The following KLHL29 variants were observed in gnomAD, a reference collection of about 807,000 sequenced individuals.
KLHL29 encodes kelch-like protein 29.
KLHL29 carries 21 observed loss-of-function variants against 80.4 expected under a neutral mutation model. The observed-to-expected ratio is 0.26, with a 90% CI of 0.19 to 0.38. The LOEUF is 0.38. KLHL29 is among the 10% of genes least tolerant of loss of function. The pLI is 1.00. For synonymous variants in KLHL29, 511 were observed against 526.8 expected, an observed-to-expected ratio of 0.97 and a Z score of 0.41; for missense variants, 867 against 1,223.9, an observed-to-expected ratio of 0.71 and a Z score of 4.35.
At chr2:23,642,051 C>T (rs1201831549) in intron 4 of KLHL29, among the ~76,000 whole-genome samples, 1 of 152,172 alleles carries the variant, frequency 6.6e-6, no homozygotes, top group African/African-American at 2.4e-5. Flanking sequence ...GAGAGTGGAA[C>T]CCAAGTCTCT....
chr2:23,563,329 CT>C (rs1466290370), intron 3 of KLHL29, among the ~76,000 whole-genome samples: 2 of 152,244 alleles, frequency 1.3e-5, no homozygotes, highest in Non-Finnish European at 2.9e-5. Flanking sequence ...GGCCGGGCCC[CT>C]GGCCATGGCT....
intron 1 of KLHL29, among the ~76,000 whole-genome samples, chr2:23,442,267 A>AT (rs1663549685): frequency 6.6e-6 from 1 of 151,864 alleles, no homozygotes; most frequent in South Asian, 2.1e-4. Flanking sequence ...ATTTTTTTAA[A>AT]TTTTTTGTAG....
At chr2:23,578,101 T>C (rs1356043145) in intron 3 of KLHL29, among the ~76,000 whole-genome samples, 4 of 152,172 alleles carry the variant, frequency 2.6e-5, no homozygotes, top group Non-Finnish European at 5.9e-5. Context: ...TTCTGTCCTA[T>C]GGCATGCCTG....
At position 23,475,644 on chromosome 2, in the gene KLHL29, C is replaced by G. The variant is rs1031845602; in HGVS notation, c.-69C>G. 3 of 166,994 alleles carry G rather than the reference C, an allele frequency of 1.8e-5. No homozygotes were observed. The East Asian group carries it at 5.8e-4, about 32-fold the overall frequency. 10.3% of individuals were successfully genotyped at this position (166,994 alleles called of 1,614,324 possible). A position where few individuals can be genotyped will look rare whatever the true frequency, so the allele number is the denominator to read the frequency against. On this transcript the variant is annotated 5_prime_UTR_variant, in exon 2 of 14. Coordinates refer to ENST00000486442, the MANE Select transcript of KLHL29 (RefSeq NM_052920.2). ...TCGCATCCTGGGGACGAATCCTGAGCTTGCCAGAGACGGGCGGCGCAAGGT... is the reference window on the plus strand; with the variant it reads ...TCGCATCCTGGGGACGAATCCTGAGGTTGCCAGAGACGGGCGGCGCAAGGT...
At position 23,458,755 on chromosome 2, in the gene KLHL29, G is replaced by A. The variant is rs535983575; in HGVS notation, c.-153-16805G>A. On this transcript the variant is annotated intron_variant, in intron 1 of 13. Coordinates refer to ENST00000486442, the MANE Select transcript of KLHL29 (RefSeq NM_052920.2). The stretch of plus-strand genomic sequence containing the variant: ...CTGCAGTACAAGTGCAGCATCCCAG[G>A]AATGGAAAGAAGGCCAGTGGTCATA... 4.6e-5 allele frequency among the ~76,000 whole-genome samples: 7 copies of A among 152,288 alleles called. No homozygotes were observed. In the South Asian group the frequency reaches 1.2e-3, roughly 27 times the overall value.
rs570182924 is a variant in KLHL29, at chr2:23,569,056, G to A, written c.285+6575G>A. Among the ~76,000 whole-genome samples, 12 of 152,342 alleles carry A rather than the reference G, an allele frequency of 7.9e-5. No individual in the cohort carries two copies. The South Asian group carries it at 1.4e-3, about 18-fold the overall frequency. ...CTGACCTTGGCTTCTAAGTTCAGAAGCTCCAATGCTTGATCCTGTCACCAC... is the reference window on the plus strand; with the variant it reads ...CTGACCTTGGCTTCTAAGTTCAGAAACTCCAATGCTTGATCCTGTCACCAC... On this transcript the variant is annotated intron_variant, in intron 3 of 13. Coordinates refer to ENST00000486442, the MANE Select transcript of KLHL29 (RefSeq NM_052920.2).
At position 23,597,305 on chromosome 2, in the gene KLHL29, A is replaced by ATG. The variant is rs1414492384; in HGVS notation, c.285+34825_285+34826insGT. Among the ~76,000 whole-genome samples the ATG allele has an allele frequency of 1.9e-4, 19 of 97,572 alleles. 1 individual carries two copies. Among genetic ancestry groups the ATG allele is most frequent in the East Asian group, 1.1e-3 (3 of 2,856 alleles). 64.0% of individuals were successfully genotyped at this position (97,572 alleles called of 152,430 possible). On this transcript the variant is annotated intron_variant, in intron 3 of 13. Coordinates refer to ENST00000486442, the MANE Select transcript of KLHL29 (RefSeq NM_052920.2). ...CTATCTCTCTCTCTCTCATATATATATATATGTGTGTGTGTGTGTGTGTGT... is the reference window on the plus strand; with the variant it reads ...CTATCTCTCTCTCTCTCATATATATATGTATATGTGTGTGTGTGTGTGTGTGT...
intron 1 of KLHL29, among the ~76,000 whole-genome samples, chr2:23,461,472 C>A (rs1484875679): frequency 6.6e-6 from 1 of 152,150 alleles, no homozygotes; most frequent in African/African-American, 2.4e-5. Context: ...TTGAGGTAAC[C>A]ACTTCTTGTT....
At chr2:23,541,131 C>A (rs745419874) in intron 2 of KLHL29, among the ~76,000 whole-genome samples, 6 of 152,244 alleles carry the variant, frequency 3.9e-5, no homozygotes, top group Non-Finnish European at 5.9e-5. Flanking sequence ...CAACTGAATT[C>A]TGTTGGGAAC....
chr2:23,670,892 G>C (rs1203992259), intron 5 of KLHL29, among the ~76,000 whole-genome samples: 1 of 126,402 alleles, frequency 7.9e-6, no homozygotes, highest in East Asian at 2.6e-4. Flanking sequence ...GCAGAGAAGG[G>C]AGGGGTCTCT....
chr2:23,474,494 T>G (rs571497800), intron 1 of KLHL29, among the ~76,000 whole-genome samples: 3 of 152,234 alleles, frequency 2.0e-5, no homozygotes, highest in Non-Finnish European at 4.4e-5. Context: ...ATGGCGACCT[T>G]GGCTGATTTT....
At position 23,700,919 on chromosome 2, in the gene KLHL29, C is replaced by G. The variant is rs1347209986; in HGVS notation, c.2106-2267C>G. ...CTCCCCTCTTAAAGACTACATTTCC[C>G]CAGTTTGTCCTCAGCCCCCATGCAC... is the stretch of plus-strand genomic sequence containing the variant. On this transcript the variant is annotated intron_variant, in intron 11 of 13. Transcript: ENST00000486442. This position sits in a 1 kb window ranked among gnomAD's most constrained non-coding sequence, Gnocchi z 4.6. Among the ~76,000 whole-genome samples the G allele has an allele frequency of 6.6e-6, 1 of 152,142 alleles. No homozygotes were observed. The highest frequency in any genetic ancestry group is 1.5e-5 in the Non-Finnish European group (1 of 68,034).
intron 2 of KLHL29, among the ~76,000 whole-genome samples, chr2:23,476,360 A>G (rs1664642014): frequency 6.6e-6 from 1 of 152,190 alleles, no homozygotes; most frequent in African/African-American, 2.4e-5. Flanking sequence ...TTCATTATAA[A>G]GGGATTTTAA....
intron 1 of KLHL29, among the ~76,000 whole-genome samples, chr2:23,386,009 A>G (rs899791507): frequency 4.4e-4 from 66 of 151,354 alleles, no homozygotes; most frequent in African/African-American, 1.0e-3. Flanking sequence ...AAAGGGGGGG[A>G]AAAAACTTCC....
At chr2:23,649,835 G>T (rs570763206) in intron 5 of KLHL29, among the ~76,000 whole-genome samples, 1 of 152,222 alleles carries the variant, frequency 6.6e-6, no homozygotes, top group East Asian at 1.9e-4. Flanking sequence ...GATCCCAGCC[G>T]CTGTCTTCCT....
intron 3 of KLHL29, among the ~76,000 whole-genome samples, chr2:23,609,097 C>A (rs1668796542): frequency 6.6e-6 from 1 of 152,178 alleles, no homozygotes. Context: ...TGATATCAGT[C>A]ATTTAGTCAC....
At chr2:23,585,836 G>A (rs1430033599) in intron 3 of KLHL29, among the ~76,000 whole-genome samples, 1 of 152,210 alleles carries the variant, frequency 6.6e-6, no homozygotes, top group African/African-American at 2.4e-5. Context: ...AGCAATAGCA[G>A]ACTCTGCTCC....
At chr2:23,553,674 G>A (rs1368448512) in intron 2 of KLHL29, among the ~76,000 whole-genome samples, 1 of 152,254 alleles carries the variant, frequency 6.6e-6, no homozygotes, top group Middle Eastern at 3.4e-3. Context: ...GACCTTGATG[G>A]GGGGGCCTCC....
intron 2 of KLHL29, among the ~76,000 whole-genome samples, chr2:23,509,486 G>A (rs747350389): frequency 1.3e-4 from 19 of 151,870 alleles, no homozygotes; most frequent in Admixed American, 7.9e-4. Context: ...ATTAAATATC[G>A]CCACTCCCTC....
Sources: gnomAD v4.1 joint callset for allele counts (sites outside exome capture counted in the v4.1 genomes callset) on GRCh38, gnomAD v4.1.1 for gene constraint, Gnocchi (gnomAD v3.1) non-coding constraint, MANE v1.5 for transcripts, NCBI Gene and HGNC (gene_info 2026-07-23, HGNC 2026-07-21) for gene names.